The following GADL1 variants were observed in gnomAD, a reference collection of about 807,000 sequenced individuals.
The protein encoded by GADL1 is GAD like acidic amino acid decarboxylase 1.
In GADL1, 71 loss-of-function variants were observed where a neutral mutation model predicts 69.5. That is an observed-to-expected ratio of 1.02 (90% CI 0.84 to 1.25). GADL1 has a LOEUF of 1.25. GADL1 is among the 50% of genes most tolerant of loss of function. The probability of loss-of-function intolerance (pLI) is 0.00; values close to 1 mark genes in which losing one functional copy is unlikely to be tolerated. For synonymous variants in GADL1, 254 were observed against 214.4 expected, an observed-to-expected ratio of 1.18 and a Z score of -1.62; for missense variants, 737 against 631.8, an observed-to-expected ratio of 1.17 and a Z score of -1.79.
intron 8 of GADL1, among the ~76,000 whole-genome samples, chr3:30,843,211 C>T (rs1421247568): frequency 1.3e-5 from 2 of 150,482 alleles, no homozygotes; most frequent in Non-Finnish European, 2.9e-5. Flanking sequence ...ATCTAGCAGG[C>T]TTTTGGTCCA....
At chr3:30,844,088 C>A in intron 8 of GADL1, 122 bp downstream of exon 8, 1 of 722,834 alleles carries the variant, frequency 1.4e-6, no homozygotes, top group Non-Finnish European at 2.4e-6. Flanking sequence ...TCCTCTCTCC[C>A]ACACATAGAA....
rs1559357459 is a variant in GADL1, at chr3:30,839,095, CAAG to C, written c.802_804del (p.Leu268del). ...ACAGTTGTACCAGAAGTGGCACAGA[CAAG>C]AAACGGTGCTGCCCCCTGTAAGAAG... On this transcript the variant is annotated inframe_deletion, in exon 9 of 15. Transcript: ENST00000282538. 6.3e-7 allele frequency: 1 copy of C among 1,599,848 alleles called. No homozygotes were observed. Among genetic ancestry groups the C allele is most frequent in the Non-Finnish European group, 8.5e-7 (1 of 1,173,272 alleles).
At position 30,892,260 on chromosome 3, in the gene GADL1, G is replaced by A. The variant is rs145652775; in HGVS notation, c.37+2318C>T. Among the ~76,000 whole-genome samples, 712 of 152,296 alleles carry A rather than the reference G, an allele frequency of 4.7e-3. 4 individuals are homozygous for A. Among genetic ancestry groups the A allele is most frequent in the African/African-American group, 0.016 (674 of 41,570 alleles). On this transcript the variant is annotated intron_variant, in intron 1 of 14. Transcript: ENST00000282538. ...ACAGGATTCCCTATGGTATTCTTCC[G>A]TAATGTATAGGTCTGTAACAGATAT...
Position 30,728,383 on chromosome 3 carries a change from C to T in GADL1, c.1425G>A (p.Lys475=), listed in dbSNP as rs762017378. 1 of 1,613,820 alleles carries T rather than the reference C, an allele frequency of 6.2e-7. No homozygotes were observed. The highest frequency in any genetic ancestry group is 1.7e-5 in the Admixed American group (1 of 59,986). ...VAPAIKERMM[K]KGSLMLGYQP... ...GGTAGCCCAGCATCAAGCTTCCCTT[C>T]TTCATCATCCTCTCCTTAATGGCTG... is the stretch of plus-strand genomic sequence containing the variant. Residue 475 remains lysine, a synonymous_variant, in exon 15 of 15, where the codon AAG becomes AAA. Transcript: ENST00000282538.
intron 1 of GADL1, among the ~76,000 whole-genome samples, chr3:30,877,733 G>A (rs903131806): frequency 5.9e-5 from 9 of 151,988 alleles, no homozygotes; most frequent in African/African-American, 1.9e-4. Flanking sequence ...AACAACATCA[G>A]CAAAGGAAGG....
intron 11 of GADL1, among the ~76,000 whole-genome samples, chr3:30,807,698 T>A (rs1456370325): frequency 6.6e-6 from 1 of 152,182 alleles, no homozygotes; most frequent in South Asian, 2.1e-4. Flanking sequence ...TCCTGTGTAG[T>A]TGGTGTGGGG....
intron 12 of GADL1, among the ~76,000 whole-genome samples, chr3:30,793,929 A>G (rs1271135516): frequency 6.6e-6 from 1 of 152,170 alleles, no homozygotes; most frequent in Non-Finnish European, 1.5e-5. Flanking sequence ...TGCTTTCCGT[A>G]TGCTCTGCAT....
chr3:30,824,750 G>A (rs1178597399), intron 11 of GADL1, among the ~76,000 whole-genome samples: 3 of 150,754 alleles, frequency 2.0e-5, no homozygotes, highest in South Asian at 2.1e-4. Flanking sequence ...TATATTATTT[G>A]GTATAACTAC....
chr3:30,728,302 C>A lies in GADL1; in HGVS notation c.1506G>T (p.Val502=). 1 of 1,613,910 alleles carries A rather than the reference C, an allele frequency of 6.2e-7. No individual in the cohort carries two copies. Among genetic ancestry groups the A allele is most frequent in the Non-Finnish European group, 8.5e-7 (1 of 1,179,840 alleles). ...FFRQVVISPQ[V]SREDMDFLLD... is the part of the protein sequence containing the mutation. Reference sequence around the variant, plus strand: ...GGAGGAAGTCCATGTCCTCCCGGCTCACTTGAGGGCTGATCACCACCTGGC... The same window carrying A: ...GGAGGAAGTCCATGTCCTCCCGGCTAACTTGAGGGCTGATCACCACCTGGC... The change falls in exon 15 of 15, where the codon GTG becomes GTT. Residue 502 remains valine (V), a synonymous_variant. Transcript: ENST00000282538.
At chr3:30,761,652 C>T (rs78257714) in intron 14 of GADL1, among the ~76,000 whole-genome samples, 2,313 of 152,144 alleles carry the variant, frequency 0.015, 57 homozygotes, top group African/African-American at 0.052. Context: ...CCTCATCAGT[C>T]TGTAGTAACT....
At chr3:30,848,564 G>GGT (rs10677247) in intron 6 of GADL1, among the ~76,000 whole-genome samples, 70,292 of 151,752 alleles carry the variant, frequency 0.46, 17,108 homozygotes, top group African/African-American at 0.6. Flanking sequence ...TATCTCAGAA[G>GGT]GTAAGAAGCT....
intron 1 of GADL1, among the ~76,000 whole-genome samples, chr3:30,870,939 C>A (rs1422438768): frequency 1.3e-5 from 2 of 151,102 alleles, no homozygotes; most frequent in Admixed American, 1.3e-4. Flanking sequence ...ATAGGAAGAT[C>A]GACATTTTGA....
intron 14 of GADL1, among the ~76,000 whole-genome samples, chr3:30,771,175 C>CT (rs751235937): frequency 3.3e-5 from 5 of 152,196 alleles, no homozygotes; most frequent in Non-Finnish European, 5.9e-5. Flanking sequence ...GAGAAAAGCA[C>CT]TGAGTATTCC....
intron 1 of GADL1, among the ~76,000 whole-genome samples, chr3:30,865,517 G>A (rs887558449): frequency 1.3e-5 from 2 of 151,902 alleles, no homozygotes; most frequent in African/African-American, 2.4e-5. Context: ...AGATGCCGTC[G>A]CAGGTTGTCT....
At chr3:30,808,673 T>C (rs148254655) in intron 11 of GADL1, among the ~76,000 whole-genome samples, 1,657 of 152,308 alleles carry the variant, frequency 0.011, 33 homozygotes, top group African/African-American at 0.038. Flanking sequence ...TATGAATCTT[T>C]TGCCTTTTTT....
intron 11 of GADL1, among the ~76,000 whole-genome samples, chr3:30,821,098 C>A (rs538508880): frequency 1.0e-3 from 158 of 152,168 alleles, no homozygotes; most frequent in African/African-American, 3.2e-3. Flanking sequence ...ACCACATGTT[C>A]CCACTCATAG....
chr3:30,894,307 A>G lies in GADL1; in HGVS notation c.37+271T>C, dbSNP rs1050213922. ...AACATGCGGCAGTTCGCCAAGCAGTAAAATCTCAATACGCATTTATTTAAC... is the reference window on the plus strand; with the variant it reads ...AACATGCGGCAGTTCGCCAAGCAGTGAAATCTCAATACGCATTTATTTAAC... On this transcript the variant is annotated intron_variant, in intron 1 of 14. Transcript: ENST00000282538. Among the ~76,000 whole-genome samples the G allele has an allele frequency of 4.6e-5, 7 of 152,236 alleles. No individual in the cohort carries two copies. The East Asian group carries it at 1.3e-3, about 29-fold the overall frequency.
intron 12 of GADL1, chr3:30,800,581 T>C (rs957028995): frequency 3.4e-5 from 12 of 353,948 alleles, no homozygotes; most frequent in African/African-American, 2.5e-4. Context: ...TCCTGATTGA[T>C]CTTGGACTCT....
chr3:30,834,244 T>A lies in GADL1; in HGVS notation c.941A>T (p.His314Leu). ...WGGSALMSRK[H>L]RKLLHGIHRA... is the part of the protein sequence containing the mutation. ...GTGGATGCCATGCAGAAGCTTGCGG[T>A]GCTTCCTCGACATCAAAGCTGAGCC... Residue 314 changes from histidine (H) to leucine (L), a missense_variant, in exon 10 of 15, where the codon CAC becomes CTC. By Grantham distance (99) the His-to-Leu change is moderately conservative (BLOSUM62 -3). Coordinates refer to ENST00000282538, the MANE Select transcript of GADL1 (RefSeq NM_207359.3). 6.2e-7 allele frequency: 1 copy of A among 1,612,920 alleles called. No individual in the cohort carries two copies. Among genetic ancestry groups the A allele is most frequent in the Non-Finnish European group, 8.5e-7 (1 of 1,179,220 alleles).
Sources: allele counts gnomAD v4.1 joint callset (sites outside exome capture counted in the v4.1 genomes callset), GRCh38; gene constraint gnomAD v4.1.1; transcripts MANE v1.5; gene names NCBI Gene and HGNC (gene_info 2026-07-23, HGNC 2026-07-21).